Variants in RELN observed in about 807,000 individuals in gnomAD.
RELN encodes the protein reelin.
Under a neutral mutation model 427.6 loss-of-function variants are expected in RELN, and 108 were observed. The ratio of observed to expected loss-of-function variants is 0.25; its 90% CI spans 0.22 to 0.30. RELN has a LOEUF of 0.30. RELN is among the 10% of genes least tolerant of loss of function. The pLI is 1.00. For synonymous variants in RELN, 1,524 were observed against 1,513.4 expected (o/e 1.01, Z -0.16); for missense variants, 3,715 against 4,302.8 (o/e 0.86, Z 3.82).
intron 3 of RELN, among the ~76,000 whole-genome samples, chr7:103,831,758 A>G (rs901217870): frequency 4.6e-5 from 7 of 152,156 alleles, no homozygotes; most frequent in African/African-American, 9.7e-5. Context: ...GATAATAAAC[A>G]AAGACATTGG....
intron 11 of RELN, among the ~76,000 whole-genome samples, chr7:103,673,748 C>T (rs1833446848): frequency 6.6e-6 from 1 of 151,692 alleles, no homozygotes; most frequent in African/African-American, 2.4e-5. Flanking sequence ...TAACTGCTTC[C>T]TTTAAAAAAA....
chr7:103,661,237 C>A lies in RELN; in HGVS notation c.1441+139G>T, dbSNP rs1237709824. 3.2e-6 allele frequency: 3 copies of A among 931,156 alleles called. No homozygotes were observed. The African/African-American group carries it at 4.9e-5, about 15-fold the overall frequency. The allele number at this position is 931,156 out of a possible 1,614,324, so 57.7% of individuals were successfully genotyped here. Reference sequence around the variant, plus strand: ...CTGAAACACGGGGGAGTACCACAGGCTTCTGCTCTGTCTGGAGAGCTCACG... The same window carrying A: ...CTGAAACACGGGGGAGTACCACAGGATTCTGCTCTGTCTGGAGAGCTCACG... On this transcript the variant is annotated intron_variant, in intron 12 of 64. Transcript: ENST00000428762.
At chr7:103,577,845 T>A (rs984976887) in intron 28 of RELN, among the ~76,000 whole-genome samples, 1 of 152,240 alleles carries the variant, frequency 6.6e-6, no homozygotes, top group Non-Finnish European at 1.5e-5. Flanking sequence ...TTCTTTTTTA[T>A]GTTTCTATGA....
At chr7:103,486,764 T>C (rs893329174) in intron 60 of RELN, among the ~76,000 whole-genome samples, 1 of 152,192 alleles carries the variant, frequency 6.6e-6, no homozygotes, top group Non-Finnish European at 1.5e-5. Flanking sequence ...CAACAGATGC[T>C]GGAGAGGATG....
At position 103,682,231 on chromosome 7, in the gene RELN, A is replaced by G. The variant is rs1833669316; in HGVS notation, c.1174T>C (p.Tyr392His). 6.2e-7 allele frequency: 1 copy of G among 1,613,928 alleles called. No homozygotes were observed. Residue 392 changes from tyrosine (Y) to histidine (H), a missense_variant, in exon 11 of 65, where the codon TAT becomes CAT. By Grantham distance (83) the Tyr-to-His change is moderately conservative. Coordinates refer to ENST00000428762, the MANE Select transcript of RELN (RefSeq NM_005045.4). Reference protein sequence around the residue: ...HSCQSDGNSIYFHGNEGSEFN... With the variant: ...HSCQSDGNSIHFHGNEGSEFN... ...TCGCTGCCTTCATTTCCATGGAAAT[A>G]AATGGAGTTCCCATCTGACTGACAG... is the stretch of plus-strand genomic sequence containing the variant.
rs1379525676 is a variant in RELN, at chr7:103,626,353, CTTATATAT to C, written c.2702+3579_2702+3586del. On this transcript the variant is annotated intron_variant, in intron 20 of 64. Transcript: ENST00000428762. The surrounding 1 kb of genome is among the most constrained non-coding windows in gnomAD (Gnocchi z 4.4). ...ACAACTATTCTCTCTCAATTGTACACTTATATATTTATTTAGAGACAGAGTCTTGCTCT... is the reference window on the plus strand; with the variant it reads ...ACAACTATTCTCTCTCAATTGTACACTTATTTAGAGACAGAGTCTTGCTCT... 1.3e-5 allele frequency among the ~76,000 whole-genome samples: 2 copies of C among 152,034 alleles called. No homozygotes were observed.
At chr7:103,545,630 T>A (rs1299896155) in intron 41 of RELN, among the ~76,000 whole-genome samples, 1 of 151,836 alleles carries the variant, frequency 6.6e-6, no homozygotes, top group Non-Finnish European at 1.5e-5. Flanking sequence ...GACTTCTCCA[T>A]CCTTACTATT....
chr7:103,566,191 G>T, intron 33 of RELN, 33 bp downstream of exon 33: 6 of 1,548,584 alleles, frequency 3.9e-6, no homozygotes, highest in Non-Finnish European at 5.4e-6. Flanking sequence ...TAGTTAATCA[G>T]ATATTTTCCC....
intron 3 of RELN, among the ~76,000 whole-genome samples, chr7:103,794,083 T>A (rs918081609): frequency 6.6e-6 from 1 of 152,132 alleles, no homozygotes; most frequent in Non-Finnish European, 1.5e-5. Flanking sequence ...AGAAGTAATA[T>A]TTTTTAATTT....
intron 1 of RELN, among the ~76,000 whole-genome samples, chr7:103,939,502 G>T (rs1796063704): frequency 6.6e-6 from 1 of 152,118 alleles, no homozygotes; most frequent in Non-Finnish European, 1.5e-5. Flanking sequence ...CACATATGAT[G>T]AAATGAACCA....
intron 3 of RELN, among the ~76,000 whole-genome samples, chr7:103,817,673 G>A (rs563070005): frequency 6.6e-6 from 1 of 152,072 alleles, no homozygotes; most frequent in Non-Finnish European, 1.5e-5. Context: ...AAGAAAAGGT[G>A]CAGTGGCTCA....
intron 2 of RELN, among the ~76,000 whole-genome samples, chr7:103,879,399 ATC>A (rs1386243205): frequency 6.6e-6 from 1 of 152,328 alleles, no homozygotes; most frequent in East Asian, 1.9e-4. Context: ...TAGAAAGAAC[ATC>A]TCTGTTTTTA....
intron 11 of RELN, among the ~76,000 whole-genome samples, chr7:103,677,767 A>C (rs1211553022): frequency 7.6e-5 from 7 of 91,550 alleles, no homozygotes; most frequent in Admixed American, 4.6e-4. Flanking sequence ...ATCTGTCTCA[A>C]AAAAAAAAAA....
chr7:103,496,771 A>T lies in RELN; in HGVS notation c.8951-3T>A. The T allele has an allele frequency of 6.2e-7, 1 of 1,613,712 alleles. No individual in the cohort carries two copies. The highest frequency in any genetic ancestry group is 8.5e-7 in the Non-Finnish European group (1 of 1,179,708). On this transcript the variant is annotated splice_region_variant and splice_polypyrimidine_tract_variant and intron_variant, in intron 55 of 64. Transcript: ENST00000428762. The stretch of plus-strand genomic sequence containing the variant: ...ATGGAGCAAAGTCCAGGTAATTCCT[A>T]TAATAACAAATATACCAACATAGCA...
Position 103,563,292 on chromosome 7 carries a change from C to G in RELN, c.5211-1339G>C, listed in dbSNP as rs545732276. On this transcript the variant is annotated intron_variant, in intron 34 of 64. Coordinates refer to ENST00000428762, the MANE Select transcript of RELN (RefSeq NM_005045.4). The surrounding 1 kb of genome is among the most constrained non-coding windows in gnomAD (Gnocchi z 4.1). The stretch of plus-strand genomic sequence containing the variant: ...ATGGTCTCATAAGATTATAATGGAT[C>G]TGAAAAAAAATTCCTATTGCTAATT... Among the ~76,000 whole-genome samples, 1 of 152,180 alleles carries G rather than the reference C, an allele frequency of 6.6e-6. No individual in the cohort carries two copies. The highest frequency in any genetic ancestry group is 2.1e-4 in the South Asian group (1 of 4,812).
In RELN at chr7:103,572,724, AGAGAC is replaced by A. The variant is rs577776734; in HGVS notation, c.4512-469_4512-465del. Among the ~76,000 whole-genome samples the A allele has an allele frequency of 2.0e-5, 3 of 151,880 alleles. No individual in the cohort carries two copies. In the South Asian group the frequency reaches 6.3e-4, roughly 32 times the overall value. The stretch of plus-strand genomic sequence containing the variant: ...GCTAATTTCCTTTTGTATTTTTAGT[AGAGAC>A]GGGGCTAACACGGTGAAACCCCGTC... On this transcript the variant is annotated intron_variant, in intron 30 of 64. Coordinates refer to ENST00000428762, the MANE Select transcript of RELN (RefSeq NM_005045.4).
chr7:103,572,125 G>C, intron 31 of RELN, 59 bp downstream of exon 31: 1 of 963,352 alleles, frequency 1.0e-6, no homozygotes, highest in Non-Finnish European at 1.7e-6. Context: ...AACTTTGGGA[G>C]GATAAAGGAC....
At chr7:103,604,634 T>C in intron 22 of RELN, 151 bp from the exon 23 acceptor site, 2 of 754,434 alleles carry the variant, frequency 2.7e-6, no homozygotes, top group Non-Finnish European at 4.6e-6. Context: ...CACTCAATTA[T>C]TGTCCAATGC....
intron 20 of RELN, among the ~76,000 whole-genome samples, chr7:103,625,492 G>C (rs928123167): frequency 6.6e-6 from 1 of 152,224 alleles, no homozygotes; most frequent in Admixed American, 6.5e-5. Context: ...CAAAAAAGTT[G>C]CTCATTATGT....
Sources: allele counts gnomAD v4.1 joint callset (sites outside exome capture counted in the v4.1 genomes callset), GRCh38; gene constraint gnomAD v4.1.1; non-coding constraint Gnocchi (gnomAD v3.1); transcripts MANE v1.5; gene names NCBI Gene and HGNC (gene_info 2026-07-23, HGNC 2026-07-21).